Variants in WWOX observed in about 807,000 individuals in gnomAD.
WWOX encodes WW domain containing oxidoreductase.
Under a neutral mutation model 46.2 loss-of-function variants are expected in WWOX, and 69 were observed. That is an observed-to-expected ratio of 1.49 (90% CI 1.23 to 1.82). The LOEUF (loss-of-function observed/expected upper bound fraction) is 1.82. WWOX is among the 40% of genes most tolerant of loss of function. The pLI is 0.00. For synonymous variants in WWOX, 359 were observed against 202.6 expected (o/e 1.77, Z -6.56); for missense variants, 919 against 542.6 (o/e 1.69, Z -6.89).
chr16:78,215,431 GAT>G (rs1181967125), intron 5 of WWOX, among the ~76,000 whole-genome samples: 1 of 152,168 alleles, frequency 6.6e-6, no homozygotes, highest in African/African-American at 2.4e-5. Context: ...CGTGAGATCT[GAT>G]AGTTTTATAA....
chr16:79,197,365 T>C (rs1200566681), intron 8 of WWOX, among the ~76,000 whole-genome samples: 1 of 152,200 alleles, frequency 6.6e-6, no homozygotes, highest in East Asian at 1.9e-4. Flanking sequence ...GCTGAGTGTG[T>C]ACATTTCCTC....
intron 8 of WWOX, among the ~76,000 whole-genome samples, chr16:78,921,518 C>G (rs187249911): frequency 3.3e-5 from 5 of 152,324 alleles, no homozygotes; most frequent in African/African-American, 9.6e-5. Flanking sequence ...CTTTCACAGT[C>G]ATTCTCTTAA....
At chr16:78,171,219 G>A (rs536023592) in intron 5 of WWOX, among the ~76,000 whole-genome samples, 2 of 152,210 alleles carry the variant, frequency 1.3e-5, no homozygotes, top group East Asian at 1.9e-4. Context: ...GGAAACTGCC[G>A]CATCCTGTGT....
In WWOX at chr16:78,700,920, A is replaced by C. The variant is rs1292009446; in HGVS notation, c.1056+268168A>C. ...TATGGTGAAAATCATCTCAAAAGGC[A>C]GAGGGCAAGAAATTGATATTTATTG... On this transcript the variant is annotated intron_variant, in intron 8 of 8. Coordinates refer to ENST00000566780, the MANE Select transcript of WWOX (RefSeq NM_016373.4). Among the ~76,000 whole-genome samples, 4 of 152,214 alleles carry C rather than the reference A, an allele frequency of 2.6e-5. No individual in the cohort carries two copies. In the East Asian group the frequency reaches 7.7e-4, roughly 29 times the overall value.
At chr16:78,857,483 T>C (rs2052593842) in intron 8 of WWOX, among the ~76,000 whole-genome samples, 1 of 152,154 alleles carries the variant, frequency 6.6e-6, no homozygotes, top group South Asian at 2.1e-4. Flanking sequence ...TCCTGATAAA[T>C]TGCTTAAGCA....
chr16:78,101,668 G>A (rs1047437018), intron 1 of WWOX, among the ~76,000 whole-genome samples: 2 of 152,088 alleles, frequency 1.3e-5, no homozygotes, highest in African/African-American at 4.8e-5. Flanking sequence ...CCCTTGGTAG[G>A]TTGTAAAATC....
chr16:78,739,018 GC>G (rs2142409247), intron 8 of WWOX, among the ~76,000 whole-genome samples: 1 of 152,262 alleles, frequency 6.6e-6, no homozygotes, highest in Non-Finnish European at 1.5e-5. Context: ...ACAACTAGAA[GC>G]CATGGTTTCC....
chr16:78,879,816 G>A lies in WWOX; in HGVS notation c.1057-331792G>A, dbSNP rs191466029. ...CGCTTGAACTTGGGAGGCAGAGGTT[G>A]CCGTGAGCTGAGATCATGTCATTGT... is the stretch of plus-strand genomic sequence containing the variant. On this transcript the variant is annotated intron_variant, in intron 8 of 8. Coordinates refer to ENST00000566780, the MANE Select transcript of WWOX (RefSeq NM_016373.4). 2.6e-5 allele frequency among the ~76,000 whole-genome samples: 4 copies of A among 151,588 alleles called. No homozygotes were observed. The East Asian group carries it at 7.8e-4, about 30-fold the overall frequency.
intron 8 of WWOX, among the ~76,000 whole-genome samples, chr16:79,149,262 T>TA (rs1279524194): frequency 5.9e-5 from 9 of 152,252 alleles, no homozygotes; most frequent in Non-Finnish European, 1.0e-4. Flanking sequence ...GTGTACTTTT[T>TA]ATCAACTGCT....
At chr16:78,557,431 C>G (rs568617582) in intron 8 of WWOX, among the ~76,000 whole-genome samples, 1 of 152,128 alleles carries the variant, frequency 6.6e-6, no homozygotes, top group African/African-American at 2.4e-5. Flanking sequence ...CGTGCAGGCA[C>G]CATTCTAGGT....
At chr16:78,109,709 C>T in intron 2 of WWOX, 69 bp from the exon 3 acceptor site, 2 of 1,566,818 alleles carry the variant, frequency 1.3e-6, no homozygotes, top group Non-Finnish European at 1.8e-6. Flanking sequence ...AGGGCTCCTT[C>T]CCTTCCTGAC....
intron 8 of WWOX, among the ~76,000 whole-genome samples, chr16:79,099,553 A>G (rs1022690235): frequency 2.6e-5 from 4 of 151,438 alleles, no homozygotes; most frequent in Admixed American, 6.6e-5. Flanking sequence ...AACAGAATCT[A>G]GAAATGTAGA....
intron 8 of WWOX, among the ~76,000 whole-genome samples, chr16:78,586,326 C>G (rs1172287299): frequency 2.0e-5 from 3 of 152,254 alleles, no homozygotes; most frequent in African/African-American, 7.2e-5. Flanking sequence ...TGCCAGGACG[C>G]CATGAAATAA....
intron 8 of WWOX, among the ~76,000 whole-genome samples, chr16:79,178,150 G>C (rs190643973): frequency 2.7e-3 from 410 of 152,190 alleles, no homozygotes; most frequent in Non-Finnish European, 2.8e-3. Context: ...TGAATTTTTT[G>C]AGGATGCAAA....
chr16:79,163,434 A>G (rs2050526504), intron 8 of WWOX, among the ~76,000 whole-genome samples: 1 of 152,206 alleles, frequency 6.6e-6, no homozygotes, highest in African/African-American at 2.4e-5. Flanking sequence ...TGAGCTCTAT[A>G]AGAGATAAGC....
chr16:79,013,226 G>T (rs2047347756), intron 8 of WWOX, among the ~76,000 whole-genome samples: 1 of 152,116 alleles, frequency 6.6e-6, no homozygotes, highest in African/African-American at 2.4e-5. Flanking sequence ...GCCTTCCTCT[G>T]TGCATCCTCC....
chr16:78,784,614 A>G lies in WWOX; in HGVS notation c.1056+351862A>G, dbSNP rs79426905. 2.7e-3 allele frequency among the ~76,000 whole-genome samples: 405 copies of G among 152,280 alleles called. 2 individuals carry two copies. The highest frequency in any genetic ancestry group is 9.4e-3 in the African/African-American group (392 of 41,524). ...AGAGCTGTTTTAAAGATTAAATGAG[A>G]TAATAGATATAAAGCACTTAGAAGA... On this transcript the variant is annotated intron_variant, in intron 8 of 8. Coordinates refer to ENST00000566780, the MANE Select transcript of WWOX (RefSeq NM_016373.4).
intron 8 of WWOX, among the ~76,000 whole-genome samples, chr16:78,456,957 T>C (rs923937551): frequency 1.3e-5 from 2 of 152,240 alleles, no homozygotes; most frequent in Admixed American, 1.3e-4. Flanking sequence ...AGAGGGAAGA[T>C]GCACATCCCC....
At chr16:78,318,261 G>A (rs756089278) in intron 5 of WWOX, among the ~76,000 whole-genome samples, 5 of 133,758 alleles carry the variant, frequency 3.7e-5, no homozygotes, top group Non-Finnish European at 8.0e-5. Context: ...GGAGCCCTCC[G>A]TCTGGGAGGA....
Sources: allele counts gnomAD v4.1 joint callset (sites outside exome capture counted in the v4.1 genomes callset), GRCh38; gene constraint gnomAD v4.1.1; transcripts MANE v1.5; gene names NCBI Gene and HGNC (gene_info 2026-07-23, HGNC 2026-07-21).